Variants in CACNA2D3 observed in about 807,000 individuals in gnomAD.
CACNA2D3 encodes the protein calcium voltage-gated channel auxiliary subunit alpha2delta 3, also known as voltage-dependent calcium channel subunit alpha-2/delta-3.
Under a neutral mutation model 160.6 loss-of-function variants are expected in CACNA2D3, and 60 were observed. The observed-to-expected ratio is 0.37, with a 90% confidence interval of 0.30 to 0.46. The LOEUF is 0.46. Ranked by LOEUF, CACNA2D3 falls within the 20% of genes least tolerant of loss-of-function variation. The pLI, the probability that CACNA2D3 is intolerant of heterozygous loss-of-function variation, is 1.00. For synonymous variants in CACNA2D3, 558 were observed against 492.9 expected (o/e 1.13, Z -1.75); for missense variants, 1,205 against 1,365.0 (o/e 0.88, Z 1.85).
intron 2 of CACNA2D3, among the ~76,000 whole-genome samples, chr3:54,288,975 C>A (rs1311793907): frequency 6.6e-6 from 1 of 152,032 alleles, no homozygotes; most frequent in African/African-American, 2.4e-5. Context: ...ACTGAATGGG[C>A]AAAAACTGGA....
chr3:54,800,927 C>T (rs1453609494), intron 13 of CACNA2D3, among the ~76,000 whole-genome samples: 2 of 151,858 alleles, frequency 1.3e-5, no homozygotes, highest in African/African-American at 4.8e-5. Context: ...GCCTTTAACT[C>T]ATTCAGACCC....
At chr3:54,533,824 TG>T (rs1205801420) in intron 5 of CACNA2D3, among the ~76,000 whole-genome samples, 1 of 142,814 alleles carries the variant, frequency 7.0e-6, no homozygotes, top group East Asian at 2.1e-4. Flanking sequence ...TGTGTGTGTG[TG>T]TGTTAATAGG....
intron 9 of CACNA2D3, among the ~76,000 whole-genome samples, chr3:54,620,524 A>G (rs1698961442): frequency 1.3e-5 from 2 of 152,184 alleles, no homozygotes; most frequent in African/African-American, 4.8e-5. Flanking sequence ...CGTACAAATC[A>G]CAGATTCAAA....
In CACNA2D3 at chr3:54,334,335, C is replaced by G. The variant is rs144236963; in HGVS notation, c.321+13777C>G. Among the ~76,000 whole-genome samples, 656 of 152,266 alleles carry G rather than the reference C, an allele frequency of 4.3e-3. 2 individuals are homozygous for G. The highest frequency in any genetic ancestry group is 5.9e-3 in the Non-Finnish European group (399 of 68,026). The stretch of plus-strand genomic sequence containing the variant: ...TCCTGACCTCAAGTGATCCGCCCAC[C>G]TTGGCCTCTCAAAGTGCTGGGATTA... On this transcript the variant is annotated intron_variant, in intron 3 of 37. Transcript: ENST00000474759.
intron 9 of CACNA2D3, among the ~76,000 whole-genome samples, chr3:54,598,341 G>GA (rs796965866): frequency 0.035 from 4,543 of 131,026 alleles, 260 homozygotes; most frequent in African/African-American, 0.12. Context: ...AAGAAGAAAG[G>GA]AAAAAAAAGA....
At chr3:54,777,227 G>A (rs567936120) in intron 13 of CACNA2D3, among the ~76,000 whole-genome samples, 1 of 152,228 alleles carries the variant, frequency 6.6e-6, no homozygotes, top group East Asian at 1.9e-4. Flanking sequence ...GACACCATAG[G>A]TAAGGACATT....
chr3:54,773,267 C>T (rs1374405094), intron 13 of CACNA2D3, among the ~76,000 whole-genome samples: 1 of 152,254 alleles, frequency 6.6e-6, no homozygotes, highest in Non-Finnish European at 1.5e-5. Context: ...TAAGCTATAA[C>T]CTCTTACTGC....
rs1314474311 is a variant in CACNA2D3, at chr3:54,791,288, G to A, written c.1381-25565G>A. Among the ~76,000 whole-genome samples the A allele has an allele frequency of 2.0e-5, 3 of 152,200 alleles. No individual in the cohort carries two copies. The East Asian group carries it at 5.8e-4, about 29-fold the overall frequency. ...ATTTATTATTATTTCTCAATGTTCAGTAGGAATATAAAGGGTTCCCAGAGG... is the reference window on the plus strand; with the variant it reads ...ATTTATTATTATTTCTCAATGTTCAATAGGAATATAAAGGGTTCCCAGAGG... On this transcript the variant is annotated intron_variant, in intron 13 of 37. Transcript: ENST00000474759.
At chr3:54,976,758 C>T (rs1414907172) in intron 29 of CACNA2D3, among the ~76,000 whole-genome samples, 1 of 152,204 alleles carries the variant, frequency 6.6e-6, no homozygotes, top group Non-Finnish European at 1.5e-5. Context: ...TGAGTTAAAG[C>T]AGTGTTTGCC....
intron 11 of CACNA2D3, among the ~76,000 whole-genome samples, chr3:54,736,050 T>C (rs1296885095): frequency 0.016 from 613 of 38,334 alleles, 32 homozygotes; most frequent in Non-Finnish European, 0.026. Flanking sequence ...TATATACACA[T>C]ACATATGTAT....
intron 35 of CACNA2D3, among the ~76,000 whole-genome samples, chr3:55,050,665 G>A (rs951152096): frequency 5.3e-5 from 7 of 131,880 alleles, no homozygotes; most frequent in South Asian, 2.5e-4. Context: ...TGCTAGATTG[G>A]GGAAGTTCTC....
At chr3:54,863,858 A>T (rs1488876252) in intron 17 of CACNA2D3, among the ~76,000 whole-genome samples, 6 of 152,206 alleles carry the variant, frequency 3.9e-5, no homozygotes, top group Non-Finnish European at 7.3e-5. Context: ...TACCTTTTAG[A>T]AAAAGGAAAG....
At position 54,210,276 on chromosome 3, in the gene CACNA2D3, G is replaced by C. The variant is rs1701349169; in HGVS notation, c.204+86682G>C. ...TAGGATGATGAGAAATTACATCTAAGGTTTGGGAACAATGAGGTGACCTTC... is the reference window on the plus strand; with the variant it reads ...TAGGATGATGAGAAATTACATCTAACGTTTGGGAACAATGAGGTGACCTTC... On this transcript the variant is annotated intron_variant, in intron 2 of 37. Coordinates refer to ENST00000474759, the MANE Select transcript of CACNA2D3 (RefSeq NM_018398.3). 2.0e-5 allele frequency among the ~76,000 whole-genome samples: 3 copies of C among 152,106 alleles called. No individual in the cohort carries two copies. The South Asian group carries it at 6.2e-4, about 32-fold the overall frequency.
In CACNA2D3 at chr3:54,469,557, A is replaced by G. The variant is rs137976417; in HGVS notation, c.382-33935A>G. Among the ~76,000 whole-genome samples, 1,431 of 152,266 alleles carry G rather than the reference A, an allele frequency of 9.4e-3. 21 individuals are homozygous for G. Among genetic ancestry groups the G allele is most frequent in the African/African-American group, 0.032 (1,350 of 41,572 alleles). ...ATCACAACGCCTTGACAGCAAGGGA[A>G]CAAAACTGGATGGAGAATGAGTTTG... is the stretch of plus-strand genomic sequence containing the variant. On this transcript the variant is annotated intron_variant, in intron 4 of 37. Coordinates refer to ENST00000474759, the MANE Select transcript of CACNA2D3 (RefSeq NM_018398.3).
intron 2 of CACNA2D3, among the ~76,000 whole-genome samples, chr3:54,256,098 T>C (rs944624607): frequency 6.6e-6 from 1 of 152,052 alleles, no homozygotes; most frequent in Non-Finnish European, 1.5e-5. Flanking sequence ...TGAGAAAAGG[T>C]TGTATACACA....
intron 11 of CACNA2D3, among the ~76,000 whole-genome samples, chr3:54,679,509 G>A (rs1465530591): frequency 2.0e-5 from 3 of 152,134 alleles, no homozygotes; most frequent in East Asian, 3.9e-4. Context: ...ACATGGTCAA[G>A]CTGCTTGCAG....
chr3:54,677,523 T>A (rs563181102), intron 11 of CACNA2D3, among the ~76,000 whole-genome samples: 22 of 152,054 alleles, frequency 1.4e-4, no homozygotes, highest in African/African-American at 5.3e-4. Context: ...TTGAAAGCAA[T>A]GTATTGATTA....
chr3:54,620,668 C>T (rs1346819979), intron 9 of CACNA2D3, among the ~76,000 whole-genome samples: 1 of 152,166 alleles, frequency 6.6e-6, no homozygotes, highest in Non-Finnish European at 1.5e-5. Flanking sequence ...GGAATCTTAG[C>T]TTTGCACACG....
chr3:54,303,738 G>C (rs1703529537), intron 2 of CACNA2D3, among the ~76,000 whole-genome samples: 1 of 151,492 alleles, frequency 6.6e-6, no homozygotes, highest in African/African-American at 2.4e-5. Context: ...ATGCCCAGCT[G>C]TTATTAGCTG....
Sources: gnomAD v4.1 joint callset for allele counts (sites outside exome capture counted in the v4.1 genomes callset) on GRCh38, gnomAD v4.1.1 for gene constraint, MANE v1.5 for transcripts, NCBI Gene and HGNC (gene_info 2026-07-23, HGNC 2026-07-21) for gene names.